The following SPEF2 variants were observed in gnomAD, a reference collection of about 807,000 sequenced individuals.
The protein encoded by SPEF2 is sperm flagellar and cilia associated 2.
SPEF2 carries 187 observed loss-of-function variants against 224.6 expected under a neutral mutation model. That is an observed-to-expected ratio of 0.83 (90% CI 0.74 to 0.94). The LOEUF (loss-of-function observed/expected upper bound fraction) is 0.94. Among genes scored for constraint, SPEF2 ranks in the 40% least tolerant of loss-of-function variants. SPEF2 has a pLI of 0.00. For synonymous variants in SPEF2, 715 were observed against 707.3 expected (o/e 1.01, Z -0.17); for missense variants, 2,170 against 2,135.6 (o/e 1.02, Z -0.32).
At chr5:35,689,047 ATCT>A (rs939129262) in intron 10 of SPEF2, among the ~76,000 whole-genome samples, 14 of 152,134 alleles carry the variant, frequency 9.2e-5, no homozygotes, top group Non-Finnish European at 1.5e-5. Context: ...AAAGCTTTCT[ATCT>A]TCTTCTGTAC....
rs763607763 is a variant in SPEF2, at chr5:35,773,935, C to T, written c.3992C>T (p.Thr1331Ile). 17 of 1,613,062 alleles carry T rather than the reference C, an allele frequency of 1.1e-5. No individual in the cohort carries two copies. The Middle Eastern group carries it at 6.6e-4, about 62-fold the overall frequency. The change falls in exon 28 of 37, where the codon ACA (threonine) becomes ATA (isoleucine). Residue 1331 changes from threonine to isoleucine, a missense_variant. Physicochemically the swap from Thr to Ile is moderately conservative, Grantham distance 89. Coordinates refer to ENST00000356031, the MANE Select transcript of SPEF2 (RefSeq NM_024867.4). ...PMAEATPVIV[T>I]TEEIAEIKRK... ...GCAGAAGCAACTCCTGTCATAGTAA[C>T]AACAGAGGAAATTGCTGAAATCAAA...
chr5:35,661,053 A>C (rs1187477126), intron 8 of SPEF2, among the ~76,000 whole-genome samples: 1 of 151,810 alleles, frequency 6.6e-6, no homozygotes, highest in Non-Finnish European at 1.5e-5. Flanking sequence ...TGAGTTTATC[A>C]ACTCCTCCAC....
At chr5:35,756,666 G>A (rs1183673226) in intron 24 of SPEF2, among the ~76,000 whole-genome samples, 1 of 152,164 alleles carries the variant, frequency 6.6e-6, no homozygotes, top group Non-Finnish European at 1.5e-5. Context: ...ACAACAGACA[G>A]CTAGATAAAT....
chr5:35,696,433 A>T (rs534677643), intron 14 of SPEF2, among the ~76,000 whole-genome samples: 1 of 152,284 alleles, frequency 6.6e-6, no homozygotes, highest in South Asian at 2.1e-4. Context: ...GGGAAGGGAA[A>T]TGGGTTCAGA....
At chr5:35,759,831 C>CA in intron 25 of SPEF2, 112 bp downstream of exon 25, 3 of 1,084,214 alleles carry the variant, frequency 2.8e-6, no homozygotes, top group Non-Finnish European at 2.5e-6. Flanking sequence ...ATCTAAGATC[C>CA]AAAAAAGCTC....
chr5:35,741,613 T>G (rs1747653027), intron 23 of SPEF2, among the ~76,000 whole-genome samples: 1 of 152,072 alleles, frequency 6.6e-6, no homozygotes, highest in Non-Finnish European at 1.5e-5. Context: ...GAGTCTGCAG[T>G]AGAGTAAAAA....
intron 30 of SPEF2, chr5:35,788,425 G>A (rs1755481223): frequency 1.4e-6 from 1 of 702,118 alleles, no homozygotes; most frequent in East Asian, 2.7e-5. Flanking sequence ...ATCTAAGAGA[G>A]AAATTAGAAA....
intron 26 of SPEF2, chr5:35,764,856 A>C: frequency 2.6e-6 from 1 of 383,770 alleles, no homozygotes; most frequent in Non-Finnish European, 5.0e-6. Flanking sequence ...CCCTCTCACA[A>C]GCAATGATAA....
At chr5:35,748,379 T>C (rs951201047) in intron 23 of SPEF2, among the ~76,000 whole-genome samples, 10 of 151,602 alleles carry the variant, frequency 6.6e-5, no homozygotes, top group African/African-American at 1.9e-4. Flanking sequence ...AAAAGACAAA[T>C]GAATCAAAAA....
intron 30 of SPEF2, among the ~76,000 whole-genome samples, chr5:35,786,108 C>G (rs1025594821): frequency 6.6e-6 from 1 of 151,326 alleles, no homozygotes; most frequent in African/African-American, 2.4e-5. Flanking sequence ...GAGACAGAGA[C>G]AAAAAGAGAC....
chr5:35,639,225 T>A (rs1746258665), intron 2 of SPEF2, among the ~76,000 whole-genome samples: 1 of 152,154 alleles, frequency 6.6e-6, no homozygotes, highest in Non-Finnish European at 1.5e-5. Flanking sequence ...AGGACTAACT[T>A]TCTCTCTCAC....
chr5:35,692,572 T>C lies in SPEF2; in HGVS notation c.1747T>C (p.Phe583Leu). The C allele has an allele frequency of 6.3e-7, 1 of 1,583,008 alleles. No individual in the cohort carries two copies. ...TAAAATTATCTTTTGTACTTTAGAC[T>C]TTCCTATACAGATACTTTCTATTGA... ...TTILRSLQKD[F>L]PIQILSIDTL... The change falls in exon 12 of 37, where the codon TTT (phenylalanine) becomes CTT (leucine). Residue 583 changes from phenylalanine (F) to leucine (L), a missense_variant and splice_region_variant. Transcript: ENST00000356031.
chr5:35,787,513 G>A (rs751438963), intron 30 of SPEF2, among the ~76,000 whole-genome samples: 1 of 152,188 alleles, frequency 6.6e-6, no homozygotes, highest in African/African-American at 2.4e-5. Context: ...GTGTAAGAGG[G>A]AAGTGTACAA....
At chr5:35,729,323 G>C (rs1250322893) in intron 21 of SPEF2, among the ~76,000 whole-genome samples, 1 of 152,136 alleles carries the variant, frequency 6.6e-6, no homozygotes, top group African/African-American at 2.4e-5. Context: ...GTAGATCCTT[G>C]GGCCTCAAGA....
chr5:35,733,471 G>C (rs995819810), intron 21 of SPEF2, among the ~76,000 whole-genome samples: 4 of 152,046 alleles, frequency 2.6e-5, no homozygotes, highest in Non-Finnish European at 5.9e-5. Context: ...ATTTTATTTA[G>C]AATATCAAAA....
At chr5:35,623,203 C>T (rs1743768591) in intron 1 of SPEF2, among the ~76,000 whole-genome samples, 1 of 152,156 alleles carries the variant, frequency 6.6e-6, no homozygotes, top group African/African-American at 2.4e-5. Flanking sequence ...TTATGTTCAG[C>T]TGGAGAATGC....
At chr5:35,726,758 G>A (rs1329568317) in intron 20 of SPEF2, among the ~76,000 whole-genome samples, 2 of 152,090 alleles carry the variant, frequency 1.3e-5, no homozygotes, top group Admixed American at 1.3e-4. Flanking sequence ...TAATCTAAAG[G>A]TAAGTGGAAT....
chr5:35,708,650 C>CCGCCACCAT (rs1740418052), intron 18 of SPEF2, among the ~76,000 whole-genome samples: 1 of 4,304 alleles, frequency 2.3e-4, no homozygotes, highest in Non-Finnish European at 5.0e-4. Context: ...ACCAGCACCT[C>CCGCCACCAT]CACCACCACT....
At chr5:35,785,137 G>T (rs1754917513) in intron 30 of SPEF2, among the ~76,000 whole-genome samples, 2 of 152,198 alleles carry the variant, frequency 1.3e-5, no homozygotes, top group African/African-American at 2.4e-5. Flanking sequence ...AGAAGAATAG[G>T]TGTTATTGAC....
Sources: gnomAD v4.1 joint callset for allele counts (sites outside exome capture counted in the v4.1 genomes callset) on GRCh38, gnomAD v4.1.1 for gene constraint, MANE v1.5 for transcripts, NCBI Gene and HGNC (gene_info 2026-07-23, HGNC 2026-07-21) for gene names.